The following L2HGDH variants were observed in gnomAD, a reference collection of about 807,000 sequenced individuals.
L2HGDH encodes L-2-hydroxyglutarate dehydrogenase.
In L2HGDH, 34 loss-of-function variants were observed where a neutral mutation model predicts 51.5. That is an observed-to-expected ratio of 0.66 (90% CI 0.50 to 0.88). The LOEUF (loss-of-function observed/expected upper bound fraction) is 0.88. L2HGDH is among the 40% of genes least tolerant of loss of function. The probability of loss-of-function intolerance (pLI) is 0.00; values close to 1 mark genes in which losing one functional copy is unlikely to be tolerated. For synonymous variants in L2HGDH, 198 were observed against 197.9 expected (o/e 1.00, Z -0.01); for missense variants, 558 against 571.9 (o/e 0.98, Z 0.25).
In L2HGDH at chr14:50,245,858, G is replaced by A. The variant is rs537040577; in HGVS notation, c.*1200C>T. The A allele has an allele frequency of 6.1e-4, 590 of 974,574 alleles. 3 individuals carry two copies. In the Middle Eastern group the frequency reaches 0.015, roughly 24 times the overall value. 60.4% of individuals were successfully genotyped at this position (974,574 alleles called of 1,614,324 possible). ...GATTCAGGGCTGAGCATGATGGCTCGCACCTGTAATCCCAGCATTTTGGGA... is the reference window on the plus strand; with the variant it reads ...GATTCAGGGCTGAGCATGATGGCTCACACCTGTAATCCCAGCATTTTGGGA... On this transcript the variant is annotated 3_prime_UTR_variant, in exon 10 of 10. Coordinates refer to ENST00000267436, the MANE Select transcript of L2HGDH (RefSeq NM_024884.3).
chr14:50,281,576 G>A (rs1391411907), intron 5 of L2HGDH, among the ~76,000 whole-genome samples: 1 of 151,930 alleles, frequency 6.6e-6, no homozygotes, highest in Non-Finnish European at 1.5e-5. Flanking sequence ...GGGGCAACAA[G>A]AGTGAAACTC....
At chr14:50,270,305 A>T (rs1488532402) in intron 6 of L2HGDH, among the ~76,000 whole-genome samples, 3 of 152,102 alleles carry the variant, frequency 2.0e-5, no homozygotes, top group Non-Finnish European at 4.4e-5. Flanking sequence ...TTGTCACCCT[A>T]TTTCCTAAAT....
At chr14:50,287,272 A>G in intron 4 of L2HGDH, 1 of 984,308 alleles carries the variant, frequency 1.0e-6, no homozygotes, top group Non-Finnish European at 1.2e-6. Context: ...TTTTTTCAGT[A>G]ATGCATAATA....
intron 9 of L2HGDH, among the ~76,000 whole-genome samples, chr14:50,250,241 G>A (rs895355179): frequency 3.9e-5 from 6 of 152,176 alleles, no homozygotes; most frequent in Admixed American, 6.5e-5. Flanking sequence ...GCACTACCCT[G>A]GGCCAGAGGG....
At chr14:50,255,792 G>C (rs1309664878) in intron 9 of L2HGDH, among the ~76,000 whole-genome samples, 1 of 151,772 alleles carries the variant, frequency 6.6e-6, no homozygotes, top group East Asian at 1.9e-4. Flanking sequence ...ACTTTGGGAG[G>C]CTCGAGGGGT....
At chr14:50,305,850 C>T (rs2030690856) in intron 1 of L2HGDH, among the ~76,000 whole-genome samples, 1 of 152,194 alleles carries the variant, frequency 6.6e-6, no homozygotes, top group Non-Finnish European at 1.5e-5. Flanking sequence ...ATATAATCTA[C>T]ACACATCCTC....
In L2HGDH at chr14:50,243,663, TTATATATATA is replaced by T. The variant is rs35064677; in HGVS notation, c.*3385_*3394del. On this transcript the variant is annotated 3_prime_UTR_variant, in exon 10 of 10. Transcript: ENST00000267436. ...TTTCATTTTTATTTTTCAGGGTATT[TTATATATATA>T]TATATATATATATTGTTTATTATTA... 1 of 174,600 alleles carries T rather than the reference TTATATATATA, an allele frequency of 5.7e-6. No individual in the cohort carries two copies. Among genetic ancestry groups the T allele is most frequent in the Non-Finnish European group, 9.2e-6 (1 of 108,494 alleles). 10.8% of individuals were successfully genotyped at this position (174,600 alleles called of 1,614,324 possible).
At chr14:50,271,916 G>C (rs1412618903) in intron 6 of L2HGDH, among the ~76,000 whole-genome samples, 2 of 152,186 alleles carry the variant, frequency 1.3e-5, no homozygotes, top group Non-Finnish European at 2.9e-5. Context: ...TGAAGTGGGT[G>C]AATCACTTGA....
At chr14:50,274,166 C>T (rs1889843635) in intron 6 of L2HGDH, among the ~76,000 whole-genome samples, 1 of 151,926 alleles carries the variant, frequency 6.6e-6, no homozygotes, top group African/African-American at 2.4e-5. Flanking sequence ...GTAATACCAG[C>T]TACCTGGGAG....
rs568946172 is a variant in L2HGDH, at chr14:50,268,741, C to G, written c.906+422G>C. The stretch of plus-strand genomic sequence containing the variant: ...GGGTAGTTCCAGACAGAAGAATGAA[C>G]TCCTCATTTAAATACCTCTGTCTTC... On this transcript the variant is annotated intron_variant, in intron 7 of 9. Coordinates refer to ENST00000267436, the MANE Select transcript of L2HGDH (RefSeq NM_024884.3). 6.6e-5 allele frequency among the ~76,000 whole-genome samples: 10 copies of G among 152,202 alleles called. No homozygotes were observed. The South Asian group carries it at 8.3e-4, about 13-fold the overall frequency.
chr14:50,287,348 C>T (rs1194694002), intron 4 of L2HGDH: 3 of 980,132 alleles, frequency 3.1e-6, no homozygotes, highest in East Asian at 1.1e-4. Context: ...ACACAACAGG[C>T]AACAATCAGA....
intron 5 of L2HGDH, among the ~76,000 whole-genome samples, chr14:50,283,340 G>A (rs1044902091): frequency 3.9e-5 from 6 of 151,986 alleles, no homozygotes; most frequent in East Asian, 3.9e-4. Context: ...CAGAAGTGTC[G>A]GACCACCGCC....
rs1887921613 is a variant in L2HGDH, at chr14:50,244,596, T to C, written c.*2462A>G. On this transcript the variant is annotated 3_prime_UTR_variant, in exon 10 of 10. Coordinates refer to ENST00000267436, the MANE Select transcript of L2HGDH (RefSeq NM_024884.3). ...TAGGGCTTGTTTCTTCTGTCATTGA[T>C]ATCTGAATGCTTTTAATATACTCAT... 2 of 985,470 alleles carry C rather than the reference T, an allele frequency of 2.0e-6. No homozygotes were observed. Among genetic ancestry groups the C allele is most frequent in the Non-Finnish European group, 2.4e-6 (2 of 829,936 alleles). 61.0% of individuals were successfully genotyped at this position (985,470 alleles called of 1,614,324 possible). A position where few individuals can be genotyped will look rare whatever the true frequency, so the allele number is the denominator to read the frequency against.
chr14:50,250,919 T>C (rs1200901062), intron 9 of L2HGDH, among the ~76,000 whole-genome samples: 1 of 152,198 alleles, frequency 6.6e-6, no homozygotes, highest in African/African-American at 2.4e-5. Flanking sequence ...AAGCTCAGAC[T>C]GTGAAGACTA....
chr14:50,280,609 C>T (rs559983181), intron 5 of L2HGDH, among the ~76,000 whole-genome samples: 10 of 152,140 alleles, frequency 6.6e-5, no homozygotes, highest in African/African-American at 2.2e-4. Context: ...ATAGTTATAC[C>T]GGTAAGCTGT....
chr14:50,302,149 A>T lies in L2HGDH; in HGVS notation c.276T>A (p.His92Gln), dbSNP rs369343051. The T allele has an allele frequency of 1.6e-5, 26 of 1,614,046 alleles. No homozygotes were observed. Among genetic ancestry groups the T allele is most frequent in the African/African-American group, 2.7e-5 (2 of 74,934 alleles). ...TTCCACTATGTATGACACCACTGTT[A>T]TGTCCAGTCTGGTGAACAGCTACAG... ...EKDLAVHQTG[H>Q]NSGVIHSGIY... The change falls in exon 3 of 10, where the codon CAT becomes CAA. Residue 92 changes from histidine (H) to glutamine (Q), a missense_variant. Around this residue, in one of 3 missense-constraint regions of L2HGDH, gnomAD observed 194 missense variants for 187.2 expected, o/e 1.04. Coordinates refer to ENST00000267436, the MANE Select transcript of L2HGDH (RefSeq NM_024884.3).
intron 9 of L2HGDH, among the ~76,000 whole-genome samples, chr14:50,262,532 A>G (rs4901007): frequency 0.49 from 73,590 of 151,552 alleles, 18,880 homozygotes; most frequent in East Asian, 0.66. Context: ...TTTTTTATCT[A>G]ACAGCTTAAG....
intron 4 of L2HGDH, 143 bp downstream of exon 4, chr14:50,293,972 C>A (rs1019155858): frequency 6.1e-6 from 6 of 980,206 alleles, no homozygotes; most frequent in African/African-American, 3.2e-5. Context: ...TGACAATGCC[C>A]TCTTGTGTCT....
rs149197271 is a variant in L2HGDH at position 50,307,516 on chromosome 14, A to G, written c.140+4495T>C. 2.5e-3 allele frequency among the ~76,000 whole-genome samples: 383 copies of G among 152,328 alleles called. 2 individuals carry two copies. The Middle Eastern group carries it at 0.061, about 24-fold the overall frequency. On this transcript the variant is annotated intron_variant, in intron 1 of 9. Coordinates refer to ENST00000267436, the MANE Select transcript of L2HGDH (RefSeq NM_024884.3). ...GCTGAAAGAGACATCTTTCTCTACA[A>G]CTCACTTAATCTCAAGTTAACACCA...
Sources: gnomAD v4.1 joint callset for allele counts (sites outside exome capture counted in the v4.1 genomes callset) on GRCh38, gnomAD v4.1.1 for gene constraint, gnomAD v4.1.1 regional missense constraint, MANE v1.5 for transcripts, NCBI Gene and HGNC (gene_info 2026-07-23, HGNC 2026-07-21) for gene names.